The following NRXN1 variants were observed in gnomAD, a reference collection of about 807,000 sequenced individuals.
NRXN1 encodes the protein neurexin 1.
A neutral mutation model predicts 150.9 loss-of-function variants in NRXN1; 39 were observed. The ratio of observed to expected loss-of-function variants is 0.26; its 90% CI spans 0.20 to 0.34. The LOEUF (loss-of-function observed/expected upper bound fraction) is 0.34, where lower values mean the gene tolerates loss of function less well. Ranked by LOEUF, NRXN1 falls within the 10% of genes least tolerant of loss-of-function variation. The pLI, the probability that NRXN1 is intolerant of heterozygous loss-of-function variation, is 1.00. For synonymous variants in NRXN1, 924 were observed against 757.0 expected (o/e 1.22, Z -3.62); for missense variants, 1,815 against 1,949.9 (o/e 0.93, Z 1.30).
chr2:50,636,165 AT>A (rs1402354677), intron 5 of NRXN1, among the ~76,000 whole-genome samples: 5 of 152,208 alleles, frequency 3.3e-5, no homozygotes, highest in Admixed American at 1.3e-4. Context: ...TAGAAAAAAA[AT>A]ACATGTTTCT....
At chr2:50,621,379 C>A (rs1384705485) in intron 6 of NRXN1, 130 bp from the exon 7 acceptor site, 1 of 626,928 alleles carries the variant, frequency 1.6e-6, no homozygotes, top group Non-Finnish European at 2.6e-6. Context: ...TAGAATGAAA[C>A]ATTCCATGAA....
intron 5 of NRXN1, among the ~76,000 whole-genome samples, chr2:50,742,176 C>T (rs1699505197): frequency 6.6e-6 from 1 of 151,852 alleles, no homozygotes; most frequent in African/African-American, 2.4e-5. Flanking sequence ...TGAAGTAAAG[C>T]TTAAACCTTT....
intron 17 of NRXN1, among the ~76,000 whole-genome samples, chr2:50,386,225 T>A (rs1025376369): frequency 2.6e-5 from 4 of 152,160 alleles, no homozygotes; most frequent in Non-Finnish European, 4.4e-5. Flanking sequence ...AAGCAAAATA[T>A]CATTTTGCTA....
chr2:50,684,013 C>A (rs1387375325), intron 5 of NRXN1, among the ~76,000 whole-genome samples: 1 of 151,882 alleles, frequency 6.6e-6, no homozygotes, highest in Non-Finnish European at 1.5e-5. Context: ...TCCATCTATG[C>A]ATTTCATCTT....
intron 17 of NRXN1, among the ~76,000 whole-genome samples, chr2:50,276,096 G>A (rs773857916): frequency 2.0e-5 from 3 of 151,526 alleles, no homozygotes; most frequent in Non-Finnish European, 2.9e-5. Context: ...TTCAAGCAGG[G>A]CTTACTCAAC....
intron 1 of NRXN1, among the ~76,000 whole-genome samples, chr2:51,031,327 C>T (rs2105355778): frequency 6.6e-6 from 1 of 152,214 alleles, no homozygotes; most frequent in Non-Finnish European, 1.5e-5. Context: ...GAATCAAATT[C>T]ATCCCAAGTC....
intron 21 of NRXN1, among the ~76,000 whole-genome samples, chr2:49,965,433 A>AT (rs1214963785): frequency 1.3e-5 from 2 of 151,256 alleles, no homozygotes; most frequent in Non-Finnish European, 2.9e-5. Flanking sequence ...CGCCCAGCTA[A>AT]TTTTTTGTAT....
chr2:50,372,316 G>T (rs554392721), intron 17 of NRXN1, among the ~76,000 whole-genome samples: 2 of 151,950 alleles, frequency 1.3e-5, no homozygotes, highest in African/African-American at 2.4e-5. Flanking sequence ...GGGAAATCAT[G>T]GTATTTTACG....
chr2:50,454,378 G>A (rs554480081), intron 17 of NRXN1, among the ~76,000 whole-genome samples: 1 of 151,900 alleles, frequency 6.6e-6, no homozygotes, highest in African/African-American at 2.4e-5. Context: ...ATACAAATCA[G>A]GGCTGCTGCA....
At chr2:50,088,756 TA>T (rs145917037) in intron 19 of NRXN1, among the ~76,000 whole-genome samples, 2,036 of 152,282 alleles carry the variant, frequency 0.013, 46 homozygotes, top group African/African-American at 0.046. Context: ...TATGTACAAA[TA>T]TTTTTTTCAA....
chr2:50,131,608 T>C (rs1288532250), intron 18 of NRXN1, among the ~76,000 whole-genome samples: 1 of 152,228 alleles, frequency 6.6e-6, no homozygotes, highest in African/African-American at 2.4e-5. Flanking sequence ...AAATGCTCTG[T>C]TGCCACTTAA....
At chr2:50,967,454 T>C (rs1694285414) in intron 2 of NRXN1, among the ~76,000 whole-genome samples, 1 of 151,962 alleles carries the variant, frequency 6.6e-6, no homozygotes, top group East Asian at 1.9e-4. Context: ...CTGGGTAAAT[T>C]CCCCATATAA....
intron 17 of NRXN1, among the ~76,000 whole-genome samples, chr2:50,259,277 AT>A (rs902740147): frequency 3.3e-5 from 5 of 151,618 alleles, no homozygotes; most frequent in South Asian, 2.1e-4. Flanking sequence ...TTTTAGCTAA[AT>A]TTTTTTTTAT....
At chr2:50,968,671 G>C (rs988120519) in intron 2 of NRXN1, among the ~76,000 whole-genome samples, 1 of 151,770 alleles carries the variant, frequency 6.6e-6, no homozygotes, top group Non-Finnish European at 1.5e-5. Context: ...TTTAATAAAA[G>C]AAAAATAAAT....
chr2:50,892,707 T>TTACTTTA (rs1374976956), intron 5 of NRXN1, among the ~76,000 whole-genome samples: 1 of 152,188 alleles, frequency 6.6e-6, no homozygotes, highest in Admixed American at 6.5e-5. Flanking sequence ...TAAACATTCT[T>TTACTTTA]TACTTTAAAC....
chr2:50,186,453 T>G (rs995265135), intron 18 of NRXN1, among the ~76,000 whole-genome samples: 3 of 152,102 alleles, frequency 2.0e-5, no homozygotes, highest in African/African-American at 7.2e-5. Flanking sequence ...TGTCAGAAGT[T>G]ACATCATCAG....
At position 49,920,345 on chromosome 2, in the gene NRXN1, A is replaced by G. The variant is rs1667979025; in HGVS notation, c.*1599T>C. On this transcript the variant is annotated 3_prime_UTR_variant, in exon 23 of 23. Transcript: ENST00000401669. ...TCCAGAAATGTTCATCATGCACATC[A>G]GATTCAGAGATATATATATTATTTT... 6.6e-6 allele frequency: 1 copy of G among 152,584 alleles called. No individual in the cohort carries two copies. Among genetic ancestry groups the G allele is most frequent in the Non-Finnish European group, 1.5e-5 (1 of 68,030 alleles). The allele number at this position is 152,584 out of a possible 1,614,324, so 9.5% of individuals were successfully genotyped here.
intron 2 of NRXN1, among the ~76,000 whole-genome samples, chr2:51,016,089 C>A (rs1164279494): frequency 6.6e-6 from 1 of 152,086 alleles, no homozygotes; most frequent in African/African-American, 2.4e-5. Context: ...ACCATCTGAT[C>A]TTTGACAAAC....
chr2:50,791,839 T>C (rs17568686), intron 5 of NRXN1, among the ~76,000 whole-genome samples: 14,230 of 152,100 alleles, frequency 0.094, 735 homozygotes, highest in Middle Eastern at 0.13. Context: ...TATCTGCTTG[T>C]ATTAATTCAA....
Sources: gnomAD v4.1 joint callset for allele counts (sites outside exome capture counted in the v4.1 genomes callset) on GRCh38, gnomAD v4.1.1 for gene constraint, MANE v1.5 for transcripts, NCBI Gene and HGNC (gene_info 2026-07-23, HGNC 2026-07-21) for gene names.